Variants in PHAF1 observed in about 807,000 individuals in gnomAD.
PHAF1 encodes the protein phagophore assembly factor 1, also known as phagosome assembly factor 1.
In PHAF1, 23 loss-of-function variants were observed where a neutral mutation model predicts 63.1. That is an observed-to-expected ratio of 0.36 (90% confidence interval 0.26 to 0.52). The LOEUF (loss-of-function observed/expected upper bound fraction) is 0.52, where lower values mean the gene tolerates loss of function less well. Among genes scored for constraint, PHAF1 ranks in the 20% least tolerant of loss-of-function variants. The pLI is 0.93. For missense variants in PHAF1, 427 were observed against 517.2 expected (o/e 0.83, Z 1.69); for synonymous variants, 167 against 185.0 (o/e 0.90, Z 0.79).
In PHAF1 at chr16:67,145,593, G is replaced by T. The variant is rs1445552236; in HGVS notation, c.1074G>T (p.Leu358=). ...AGTGGGACAACATCCAGGAGCTCCT[G>T]GGCCACCCTGTGGAGAAGCCTGTTG... ...YSKWDNIQEL[L]GHPVEKPVVL... Residue 358 remains leucine, a synonymous_variant, in exon 14 of 16, where the codon CTG becomes CTT. Transcript: ENST00000219139. 6.2e-7 allele frequency: 1 copy of T among 1,613,994 alleles called. No individual in the cohort carries two copies. Among genetic ancestry groups the T allele is most frequent in the South Asian group, 1.1e-5 (1 of 91,064 alleles).
intron 2 of PHAF1, among the ~76,000 whole-genome samples, chr16:67,125,138 C>T (rs1255252540): frequency 6.6e-6 from 1 of 152,138 alleles, no homozygotes; most frequent in Non-Finnish European, 1.5e-5. Flanking sequence ...GACCTACTAT[C>T]TCTGTCCTCA....
chr16:67,142,001 G>C (rs1282092055), intron 10 of PHAF1, among the ~76,000 whole-genome samples: 1 of 152,236 alleles, frequency 6.6e-6, no homozygotes, highest in East Asian at 1.9e-4. Flanking sequence ...CGGCCAGGAA[G>C]AATGAGGTAT....
intron 2 of PHAF1, among the ~76,000 whole-genome samples, chr16:67,122,975 C>T (rs1380913467): frequency 1.3e-5 from 2 of 151,844 alleles, no homozygotes; most frequent in East Asian, 1.9e-4. Context: ...GTGATCCGCC[C>T]GTCTTGTCCT....
chr16:67,114,960 G>T (rs913821796), intron 1 of PHAF1, among the ~76,000 whole-genome samples: 4 of 152,192 alleles, frequency 2.6e-5, no homozygotes. Context: ...GCCTTTAGAT[G>T]TATACAGAAA....
rs1303169579 is a variant in PHAF1, at chr16:67,115,516, C to T, written c.65-4596C>T. Reference sequence around the variant, plus strand: ...TGGGTAAGATCCAGAATATTCAGGGCCTTTGGTGATGACATGGTGTTTGGG... The same window carrying T: ...TGGGTAAGATCCAGAATATTCAGGGTCTTTGGTGATGACATGGTGTTTGGG... On this transcript the variant is annotated intron_variant, in intron 1 of 15. Transcript: ENST00000219139. 6.6e-5 allele frequency among the ~76,000 whole-genome samples: 10 copies of T among 152,110 alleles called. No homozygotes were observed. In the East Asian group the frequency reaches 1.9e-3, roughly 29 times the overall value.
chr16:67,144,965 G>C, intron 12 of PHAF1, 88 bp downstream of exon 12: 1 of 1,495,376 alleles, frequency 6.7e-7, no homozygotes. Flanking sequence ...GCAGTGGTTG[G>C]ATGTGTGGAG....
At chr16:67,119,656 G>A (rs1597187867) in intron 1 of PHAF1, among the ~76,000 whole-genome samples, 1 of 151,230 alleles carries the variant, frequency 6.6e-6, no homozygotes, top group East Asian at 1.9e-4. Flanking sequence ...GGGTAGCTGG[G>A]ACTACAAGGG....
chr16:67,110,088 C>T lies in PHAF1; in HGVS notation c.-88C>T. The stretch of plus-strand genomic sequence containing the variant: ...CGGGGCTGTGGCGGGCCGGCGGGGG[C>T]GGCCTGTCAGCCGCTGCTTTGTCTC... On this transcript the variant is annotated 5_prime_UTR_variant, in exon 1 of 16. Transcript: ENST00000219139. 5 of 1,395,126 alleles carry T rather than the reference C, an allele frequency of 3.6e-6. No homozygotes were observed. In the East Asian group the frequency reaches 1.0e-4, roughly 28 times the overall value. 86.4% of individuals were successfully genotyped at this position (1,395,126 alleles called of 1,614,324 possible).
chr16:67,131,180 G>A lies in PHAF1; in HGVS notation c.232-106G>A, dbSNP rs1448445006. The A allele has an allele frequency of 1.2e-5, 3 of 249,094 alleles. No homozygotes were observed. The East Asian group carries it at 2.6e-4, about 22-fold the overall frequency. The allele number at this position is 249,094 out of a possible 1,614,324, so 15.4% of individuals were successfully genotyped here. ...TTCCATAAAATTTCTATTGGTAATA[G>A]TTTTTTTTTTTTTTTTTTTTACTAT... On this transcript the variant is annotated intron_variant, in intron 3 of 15. Coordinates refer to ENST00000219139, the MANE Select transcript of PHAF1 (RefSeq NM_025187.5).
At position 67,131,180 on chromosome 16, in the gene PHAF1, G is replaced by GTTT. The variant is rs71145961; in HGVS notation, c.232-88_232-86dup. On this transcript the variant is annotated intron_variant, in intron 3 of 15. Coordinates refer to ENST00000219139, the MANE Select transcript of PHAF1 (RefSeq NM_025187.5). The stretch of plus-strand genomic sequence containing the variant: ...TTCCATAAAATTTCTATTGGTAATA[G>GTTT]TTTTTTTTTTTTTTTTTTTTACTAT... The GTTT allele has an allele frequency of 1.7e-3, 418 of 248,890 alleles. 2 individuals are homozygous for GTTT. Among genetic ancestry groups the GTTT allele is most frequent in the South Asian group, 3.3e-3 (44 of 13,352 alleles). 15.4% of individuals were successfully genotyped at this position (248,890 alleles called of 1,614,324 possible).
intron 8 of PHAF1, among the ~76,000 whole-genome samples, chr16:67,139,137 G>T (rs1963709342): frequency 6.6e-6 from 1 of 151,998 alleles, no homozygotes; most frequent in Non-Finnish European, 1.5e-5. Flanking sequence ...GCCCAGGCTG[G>T]TCTTGAACGC....
intron 1 of PHAF1, among the ~76,000 whole-genome samples, chr16:67,119,056 A>G (rs1291206309): frequency 3.3e-5 from 5 of 152,148 alleles, no homozygotes; most frequent in Admixed American, 2.0e-4. Flanking sequence ...GATTACAGGC[A>G]TGAGCCACCA....
At chr16:67,112,087 T>C (rs2145809490) in intron 1 of PHAF1, among the ~76,000 whole-genome samples, 1 of 152,278 alleles carries the variant, frequency 6.6e-6, no homozygotes, top group South Asian at 2.1e-4. Flanking sequence ...GCTGTTTGGC[T>C]TCTGGTTAAC....
At chr16:67,112,964 G>A (rs1962579259) in intron 1 of PHAF1, among the ~76,000 whole-genome samples, 1 of 152,178 alleles carries the variant, frequency 6.6e-6, no homozygotes, top group Non-Finnish European at 1.5e-5. Context: ...GGGCTGTTAG[G>A]TAGGGATAGG....
chr16:67,135,056 G>A (rs1963559253), intron 8 of PHAF1: 1 of 229,074 alleles, frequency 4.4e-6, no homozygotes, highest in South Asian at 5.4e-5. Flanking sequence ...TAGGCCTGCT[G>A]TGTGCTTATA....
chr16:67,137,796 T>C (rs1963665090), intron 8 of PHAF1, among the ~76,000 whole-genome samples: 1 of 152,172 alleles, frequency 6.6e-6, no homozygotes, highest in African/African-American at 2.4e-5. Context: ...CAATTATGTC[T>C]GCCACCTTGT....
At position 67,139,213 on chromosome 16, in the gene PHAF1, C is replaced by T. The variant is rs1217437865; in HGVS notation, c.662-771C>T. On this transcript the variant is annotated intron_variant, in intron 8 of 15. Transcript: ENST00000219139. ...CTGGGATCATAGGCAAGAGCCACCA[C>T]ACCCGGCCAAGAAGTACCTCTTAAC... Among the ~76,000 whole-genome samples the T allele has an allele frequency of 2.6e-5, 4 of 152,004 alleles. No homozygotes were observed. The East Asian group carries it at 7.7e-4, about 29-fold the overall frequency.
intron 1 of PHAF1, among the ~76,000 whole-genome samples, chr16:67,115,787 G>A (rs1477021851): frequency 1.3e-5 from 2 of 152,150 alleles, no homozygotes; most frequent in Non-Finnish European, 2.9e-5. Context: ...GTTTCTCCCT[G>A]GGTGACTCAG....
At chr16:67,144,153 G>A in intron 10 of PHAF1, 141 bp from the exon 11 acceptor site, 1 of 637,572 alleles carries the variant, frequency 1.6e-6, no homozygotes, top group Non-Finnish European at 2.8e-6. Flanking sequence ...CCCCTGGACT[G>A]TTGTCTGGAA....
Sources: allele counts gnomAD v4.1 joint callset (sites outside exome capture counted in the v4.1 genomes callset), GRCh38; gene constraint gnomAD v4.1.1; transcripts MANE v1.5; gene names NCBI Gene and HGNC (gene_info 2026-07-23, HGNC 2026-07-21).